Variants in KPNA5 observed in about 807,000 individuals in gnomAD.
The protein encoded by KPNA5 is karyopherin subunit alpha 5.
Under a neutral mutation model 71.3 loss-of-function variants are expected in KPNA5, and 46 were observed. That is an observed-to-expected ratio of 0.65 (90% confidence interval 0.51 to 0.83). The LOEUF (loss-of-function observed/expected upper bound fraction) is 0.83, where lower values mean the gene tolerates loss of function less well. KPNA5 is among the 40% of genes least tolerant of loss of function. The pLI is 0.00. For missense variants in KPNA5, 547 were observed against 628.3 expected, an observed-to-expected ratio of 0.87 and a Z score of 1.38; for synonymous variants, 207 against 201.4, an observed-to-expected ratio of 1.03 and a Z score of -0.24.
At chr6:116,685,192 A>G (rs949566936) in intron 1 of KPNA5, among the ~76,000 whole-genome samples, 1 of 152,232 alleles carries the variant, frequency 6.6e-6, no homozygotes, top group African/African-American at 2.4e-5. Context: ...AATAACAGCA[A>G]TAAGAAAGGA....
chr6:116,711,870 C>A (rs1039138371), intron 7 of KPNA5, among the ~76,000 whole-genome samples: 1 of 152,216 alleles, frequency 6.6e-6, no homozygotes, highest in African/African-American at 2.4e-5. Context: ...AGCCACCTGC[C>A]TTGGTCTCCC....
At chr6:116,725,674 C>A in intron 10 of KPNA5, 77 bp from the exon 11 acceptor site, 1 of 1,275,606 alleles carries the variant, frequency 7.8e-7, no homozygotes, top group Non-Finnish European at 1.1e-6. Flanking sequence ...TTTTGTACAT[C>A]TAAATAATTC....
At chr6:116,717,442 C>A (rs943190630) in intron 8 of KPNA5, among the ~76,000 whole-genome samples, 1 of 152,036 alleles carries the variant, frequency 6.6e-6, no homozygotes, top group African/African-American at 2.4e-5. Context: ...TCTACTGTTA[C>A]CACTATTTTT....
At chr6:116,698,637 G>A (rs1461645790) in intron 4 of KPNA5, 67 bp from the exon 5 acceptor site, 1 of 866,488 alleles carries the variant, frequency 1.2e-6, no homozygotes, top group South Asian at 1.6e-5. Context: ...CCCTGTTAAT[G>A]GACACAGGGA....
chr6:116,718,738 T>C (rs1388447555), intron 8 of KPNA5, among the ~76,000 whole-genome samples: 1 of 152,046 alleles, frequency 6.6e-6, no homozygotes, highest in Non-Finnish European at 1.5e-5. Context: ...ATTTGTTTTT[T>C]AATCATTCAC....
intron 2 of KPNA5, among the ~76,000 whole-genome samples, chr6:116,690,515 C>T (rs1417848178): frequency 2.0e-5 from 3 of 151,606 alleles, no homozygotes; most frequent in South Asian, 2.1e-4. Context: ...TGGTGGCTGG[C>T]GCCTGTTGTC....
At chr6:116,729,073 G>C (rs1009396056) in intron 12 of KPNA5, among the ~76,000 whole-genome samples, 23 of 151,484 alleles carry the variant, frequency 1.5e-4, no homozygotes, top group African/African-American at 5.6e-4. Context: ...AACATTAGCT[G>C]TGATTGTTTT....
chr6:116,706,829 C>G (rs1399910779), intron 7 of KPNA5, among the ~76,000 whole-genome samples: 1 of 151,856 alleles, frequency 6.6e-6, no homozygotes, highest in Non-Finnish European at 1.5e-5. Flanking sequence ...GTTAGATACT[C>G]TCTCTGGAGT....
chr6:116,706,961 G>A (rs894046612), intron 7 of KPNA5, among the ~76,000 whole-genome samples: 1 of 151,920 alleles, frequency 6.6e-6, no homozygotes, highest in Non-Finnish European at 1.5e-5. Flanking sequence ...TCAGGAGATC[G>A]AGACCATCCT....
intron 1 of KPNA5, among the ~76,000 whole-genome samples, chr6:116,688,543 G>T (rs1189069281): frequency 6.6e-6 from 1 of 151,892 alleles, no homozygotes; most frequent in African/African-American, 2.4e-5. Context: ...TATCAATACT[G>T]TTACATTGTT....
chr6:116,729,858 T>A (rs1779420803), intron 13 of KPNA5, 117 bp downstream of exon 13: 2 of 567,950 alleles, frequency 3.5e-6, no homozygotes, highest in Non-Finnish European at 2.9e-6. Flanking sequence ...TTTTAAGTTT[T>A]AAAATGTCAC....
intron 1 of KPNA5, chr6:116,681,636 T>A: frequency 1.1e-6 from 1 of 889,764 alleles, no homozygotes; most frequent in Non-Finnish European, 1.4e-6. Flanking sequence ...CGTTTCTCGG[T>A]AGTTCTTTTC....
chr6:116,722,117 C>A lies in KPNA5; in HGVS notation c.757-9C>A. The A allele has an allele frequency of 6.6e-7, 1 of 1,523,608 alleles. No individual in the cohort carries two copies. The highest frequency in any genetic ancestry group is 8.8e-7 in the Non-Finnish European group (1 of 1,133,310). The allele number at this position is 1,523,608 out of a possible 1,614,324, so 94.4% of individuals were successfully genotyped here. On this transcript the variant is annotated splice_polypyrimidine_tract_variant and intron_variant, in intron 8 of 13. Coordinates refer to ENST00000368564, the MANE Select transcript of KPNA5 (RefSeq NM_001366306.2). ...AAAAAATTTAAATATGCTCTTTCTT[C>A]CCTTACAGGTTTCACCTTGCTTAAA...
At chr6:116,704,457 C>T (rs6899918) in intron 6 of KPNA5, among the ~76,000 whole-genome samples, 42,535 of 152,072 alleles carry the variant, frequency 0.28, 6,717 homozygotes, top group African/African-American at 0.43. Flanking sequence ...AGTCTGTCAT[C>T]GACTAAAATG....
At chr6:116,714,042 T>C (rs932496648) in intron 7 of KPNA5, among the ~76,000 whole-genome samples, 1 of 152,222 alleles carries the variant, frequency 6.6e-6, no homozygotes, top group Non-Finnish European at 1.5e-5. Flanking sequence ...CTGTGATTTC[T>C]CAGGGAAAAT....
At position 116,739,006 on chromosome 6, in the gene KPNA5, A is replaced by G. The variant is rs1252376434; in HGVS notation, c.*6683A>G. Reference sequence around the variant, plus strand: ...AGTGTTGGAAGTTCTGGCCAGGGCAATTAGGCAGGAGAAGGAAATAAAGGG... The same window carrying G: ...AGTGTTGGAAGTTCTGGCCAGGGCAGTTAGGCAGGAGAAGGAAATAAAGGG... On this transcript the variant is annotated 3_prime_UTR_variant, in exon 14 of 14. Coordinates refer to ENST00000368564, the MANE Select transcript of KPNA5 (RefSeq NM_001366306.2). The G allele has an allele frequency of 8.6e-5, 13 of 151,864 alleles. No homozygotes were observed. The highest frequency in any genetic ancestry group is 2.9e-4 in the African/African-American group (12 of 41,454). The allele number at this position is 151,864 out of a possible 1,614,324, so 9.4% of individuals were successfully genotyped here.
Position 116,681,248 on chromosome 6 carries a change from A to T in KPNA5, c.-87A>T. The T allele has an allele frequency of 6.4e-7, 1 of 1,573,988 alleles. No individual in the cohort carries two copies. The highest frequency in any genetic ancestry group is 8.7e-7 in the Non-Finnish European group (1 of 1,149,364). On this transcript the variant is annotated 5_prime_UTR_variant, in exon 1 of 14. Coordinates refer to ENST00000368564, the MANE Select transcript of KPNA5 (RefSeq NM_001366306.2). ...GAACTGGGTCGCTACGCTTCACGCC[A>T]GGGGCGGAGTGGCGGCCCTTCTGTT... is the stretch of plus-strand genomic sequence containing the variant.
At position 116,722,232 on chromosome 6, in the gene KPNA5, A is replaced by C. The variant is rs765614171; in HGVS notation, c.863A>C (p.Asp288Ala). 2 of 1,613,318 alleles carry C rather than the reference A, an allele frequency of 1.2e-6. No homozygotes were observed. The highest frequency in any genetic ancestry group is 4.5e-5 in the East Asian group (2 of 44,836). ...ALSYLSDGPN[D>A]KIQAVIDSGV... ...TCTTATCTCTCCGATGGACCCAATG[A>C]TAAAATTCAAGCAGTCATTGATTCT... Residue 288 changes from aspartate (D) to alanine (A), a missense_variant, in exon 9 of 14, where the codon GAT becomes GCT. Coordinates refer to ENST00000368564, the MANE Select transcript of KPNA5 (RefSeq NM_001366306.2).
rs1431318669 is a variant in KPNA5, at chr6:116,724,338, T to C, written c.962T>C (p.Val321Ala). 2 of 1,611,478 alleles carry C rather than the reference T, an allele frequency of 1.2e-6. 1 individual carries two copies. Among genetic ancestry groups the C allele is most frequent in the African/African-American group, 2.7e-5 (2 of 75,008 alleles). Reference protein sequence around the residue: ...YKVVSPALRAVGNIVTGDDIQ... With the variant: ...YKVVSPALRAAGNIVTGDDIQ... ...GTTGTATCACCTGCATTAAGGGCAG[T>C]TGGTAATATTGTGACTGGTGATGAT... The change falls in exon 10 of 14, where the codon GTT becomes GCT. Residue 321 changes from valine (V) to alanine (A), a missense_variant. Transcript: ENST00000368564.
Sources: allele counts gnomAD v4.1 joint callset (sites outside exome capture counted in the v4.1 genomes callset), GRCh38; gene constraint gnomAD v4.1.1; transcripts MANE v1.5; gene names NCBI Gene and HGNC (gene_info 2026-07-23, HGNC 2026-07-21).